Variants in ACVR1 observed in about 807,000 individuals in gnomAD.
ACVR1 encodes the protein activin A receptor type 1, also known as activin receptor type-1.
ACVR1 carries 38 observed loss-of-function variants against 57.1 expected under a neutral mutation model. The observed-to-expected ratio is 0.67, with a 90% CI of 0.51 to 0.87. The LOEUF (loss-of-function observed/expected upper bound fraction) is 0.87, where lower values mean the gene tolerates loss of function less well. ACVR1 is among the 40% of genes least tolerant of loss of function. The pLI is 0.00. For synonymous variants in ACVR1, 212 were observed against 228.1 expected (o/e 0.93, Z 0.63); for missense variants, 463 against 638.2 (o/e 0.73, Z 2.96).
Position 157,780,340 on chromosome 2 carries a change from T to TA in ACVR1, c.327dup (p.Lys110Ter). 6.2e-7 allele frequency: 1 copy of TA among 1,614,166 alleles called. No homozygotes were observed. The highest frequency in any genetic ancestry group is 8.5e-7 in the Non-Finnish European group (1 of 1,180,010). On this transcript the variant is annotated frameshift_variant, in exon 4 of 11. Transcript: ENST00000434821. LOFTEE classifies it high-confidence loss of function. ...AAATAGAAAAGTCCATGGGAACCTT[T>TA]AGTGGGCAGCTGGGCCGTGATGTTC...
intron 2 of ACVR1, among the ~76,000 whole-genome samples, chr2:157,814,825 T>C (rs1170061250): frequency 6.6e-6 from 1 of 152,228 alleles, no homozygotes; most frequent in Non-Finnish European, 1.5e-5. Context: ...GGGTCACACC[T>C]GTAATCCCAG....
intron 1 of ACVR1, among the ~76,000 whole-genome samples, chr2:157,855,779 G>A (rs764297637): frequency 6.6e-6 from 1 of 152,108 alleles, no homozygotes; most frequent in African/African-American, 2.4e-5. Flanking sequence ...CAGGGTCAAT[G>A]GTCCTTCAGC....
intron 1 of ACVR1, among the ~76,000 whole-genome samples, chr2:157,860,491 G>A (rs1008395159): frequency 6.6e-6 from 1 of 152,200 alleles, no homozygotes; most frequent in Non-Finnish European, 1.5e-5. Context: ...GGATATTCCA[G>A]GATAAGTGGT....
At chr2:157,772,736 T>C (rs1474568544) in intron 6 of ACVR1, among the ~76,000 whole-genome samples, 1 of 152,216 alleles carries the variant, frequency 6.6e-6, no homozygotes, top group Non-Finnish European at 1.5e-5. Context: ...TACTAGTTAG[T>C]ACAAGAGGAC....
chr2:157,775,481 T>C (rs1363405476), intron 5 of ACVR1, among the ~76,000 whole-genome samples: 1 of 152,228 alleles, frequency 6.6e-6, no homozygotes, highest in African/African-American at 2.4e-5. Context: ...GCTGGCCTAC[T>C]AAAGCAATAC....
At chr2:157,830,318 T>C (rs181558483) in intron 1 of ACVR1, among the ~76,000 whole-genome samples, 136 of 152,092 alleles carry the variant, frequency 8.9e-4, no homozygotes, top group African/African-American at 2.5e-3. Context: ...AAGAGAAATA[T>C]GAACAATTTA....
chr2:157,851,890 CA>C (rs1339597645), intron 1 of ACVR1, among the ~76,000 whole-genome samples: 709 of 8,186 alleles, frequency 0.087, 28 homozygotes, highest in South Asian at 0.4. Flanking sequence ...CACACACACA[CA>C]CACACACACA....
chr2:157,784,195 G>A (rs979146776), intron 3 of ACVR1, among the ~76,000 whole-genome samples: 2 of 152,180 alleles, frequency 1.3e-5, no homozygotes, highest in East Asian at 1.9e-4. Context: ...TGGTGTGGGA[G>A]TGGGGGTGGG....
At chr2:157,848,793 A>G (rs1391262887) in intron 1 of ACVR1, among the ~76,000 whole-genome samples, 1 of 152,196 alleles carries the variant, frequency 6.6e-6, no homozygotes, top group Non-Finnish European at 1.5e-5. Flanking sequence ...AATGGTGAGC[A>G]GTTGATGGTT....
intron 9 of ACVR1, among the ~76,000 whole-genome samples, chr2:157,746,603 G>A (rs145502643): frequency 9.2e-4 from 140 of 152,332 alleles, no homozygotes; most frequent in African/African-American, 3.0e-3. Context: ...AAAAACTCTC[G>A]TGTGTATTTG....
At chr2:157,745,696 T>C (rs1317774783) in intron 9 of ACVR1, among the ~76,000 whole-genome samples, 1 of 152,124 alleles carries the variant, frequency 6.6e-6, no homozygotes, top group Non-Finnish European at 1.5e-5. Flanking sequence ...AATTAATGAA[T>C]ACAAAAAATT....
At chr2:157,739,639 G>A (rs1684676313) in intron 9 of ACVR1, among the ~76,000 whole-genome samples, 3 of 152,146 alleles carry the variant, frequency 2.0e-5, no homozygotes, top group Admixed American at 2.0e-4. Flanking sequence ...GGAGTGTGAG[G>A]AAAGTTGTAA....
chr2:157,861,006 GT>G (rs1163112136), intron 1 of ACVR1, among the ~76,000 whole-genome samples: 1 of 152,170 alleles, frequency 6.6e-6, no homozygotes, highest in East Asian at 1.9e-4. Context: ...GCCATATTCA[GT>G]TTTAAAGGTT....
intron 1 of ACVR1, among the ~76,000 whole-genome samples, chr2:157,845,890 T>C (rs1333406240): frequency 6.6e-6 from 1 of 152,202 alleles, no homozygotes; most frequent in Non-Finnish European, 1.5e-5. Flanking sequence ...AAATGTACAA[T>C]GTGCTGTTTT....
intron 2 of ACVR1, among the ~76,000 whole-genome samples, chr2:157,805,061 C>A (rs1687467318): frequency 6.6e-6 from 1 of 152,188 alleles, no homozygotes; most frequent in Non-Finnish European, 1.5e-5. Context: ...ATATAATACA[C>A]TTCTATATGC....
intron 9 of ACVR1, among the ~76,000 whole-genome samples, chr2:157,747,231 C>A (rs1204865693): frequency 2.0e-5 from 3 of 152,152 alleles, no homozygotes; most frequent in Admixed American, 2.0e-4. Flanking sequence ...GCACATCACA[C>A]CCTAGGGTAT....
intron 1 of ACVR1, among the ~76,000 whole-genome samples, chr2:157,866,921 C>T (rs1297055542): frequency 6.6e-6 from 1 of 152,192 alleles, no homozygotes; most frequent in African/African-American, 2.4e-5. Context: ...AGCTCTCCCC[C>T]AGGACATTCT....
intron 3 of ACVR1, among the ~76,000 whole-genome samples, chr2:157,797,469 G>A (rs1176273005): frequency 6.6e-6 from 1 of 152,158 alleles, no homozygotes; most frequent in Non-Finnish European, 1.5e-5. Flanking sequence ...TCTTCATGGA[G>A]GAACACTTGT....
Position 157,763,843 on chromosome 2 carries a change from C to T in ACVR1, c.1066+2078G>A, listed in dbSNP as rs934209473. Among the ~76,000 whole-genome samples the T allele has an allele frequency of 1.2e-4, 19 of 152,288 alleles. 1 individual carries two copies. Among genetic ancestry groups the T allele is most frequent in the Admixed American group, 8.5e-4 (13 of 15,292 alleles). ...ATGGTCTTATAAGAGTTGTTTCCTG[C>T]ACTGCATTGTTTTACCATATCCTGA... On this transcript the variant is annotated intron_variant, in intron 8 of 10. Transcript: ENST00000434821.
Sources: allele counts gnomAD v4.1 joint callset (sites outside exome capture counted in the v4.1 genomes callset), GRCh38; gene constraint gnomAD v4.1.1; transcripts MANE v1.5; gene names NCBI Gene and HGNC (gene_info 2026-07-23, HGNC 2026-07-21).